LRRTM4: variants seen among roughly 807,000 people sequenced by gnomAD.
LRRTM4 encodes leucine-rich repeat transmembrane neuronal protein 4.
A neutral mutation model predicts 47.6 loss-of-function variants in LRRTM4; 25 were observed. The ratio of observed to expected loss-of-function variants is 0.53; its 90% confidence interval spans 0.38 to 0.73. LRRTM4 has a LOEUF of 0.73. LRRTM4 is among the 30% of genes least tolerant of loss of function. The probability of loss-of-function intolerance (pLI) is 0.00; values close to 1 mark genes in which losing one functional copy is unlikely to be tolerated. For missense variants in LRRTM4, 638 were observed against 713.4 expected (o/e 0.89, Z 1.20); for synonymous variants, 311 against 269.5 (o/e 1.15, Z -1.51).
intron 3 of LRRTM4, among the ~76,000 whole-genome samples, chr2:77,141,309 G>A (rs1048329778): frequency 2.0e-5 from 3 of 152,026 alleles, no homozygotes; most frequent in Non-Finnish European, 2.9e-5. Flanking sequence ...GGATGAGTTC[G>A]TGTCCTCTGT....
At chr2:77,491,112 G>A (rs962999340) in intron 3 of LRRTM4, among the ~76,000 whole-genome samples, 1 of 151,902 alleles carries the variant, frequency 6.6e-6, no homozygotes, top group African/African-American at 2.4e-5. Context: ...CAGAGAGAGA[G>A]AAGATATACA....
Position 76,974,143 on chromosome 2 carries a change from T to TAC in LRRTM4, c.1552-225228_1552-225227insGT, listed in dbSNP as rs1245323266. ...TAACACATTTGCTCATATATATACATATATATACATACATATATATATATA... is the reference window on the plus strand; with the variant it reads ...TAACACATTTGCTCATATATATACATACATATATACATACATATATATATATA... On this transcript the variant is annotated intron_variant, in intron 3 of 3. Transcript: ENST00000409884. 2.8e-3 allele frequency among the ~76,000 whole-genome samples: 389 copies of TAC among 136,530 alleles called. 10 individuals carry two copies. The highest frequency in any genetic ancestry group is 7.8e-3 in the Middle Eastern group (2 of 258). 89.6% of individuals were successfully genotyped at this position (136,530 alleles called of 152,430 possible).
At chr2:77,111,289 T>TATTTA (rs112093231) in intron 3 of LRRTM4, among the ~76,000 whole-genome samples, 12,034 of 149,200 alleles carry the variant, frequency 0.081, 1,146 homozygotes, top group African/African-American at 0.21. Context: ...GGCTATTTTT[T>TATTTA]TTTTTTTTTT....
intron 3 of LRRTM4, among the ~76,000 whole-genome samples, chr2:76,808,585 A>G (rs1670633310): frequency 6.6e-6 from 1 of 152,192 alleles, no homozygotes; most frequent in African/African-American, 2.4e-5. Context: ...CCTATTTTCA[A>G]ATATGCAAAA....
At chr2:77,092,760 C>T (rs975521667) in intron 3 of LRRTM4, among the ~76,000 whole-genome samples, 2 of 142,746 alleles carry the variant, frequency 1.4e-5, no homozygotes, top group African/African-American at 2.9e-5. Context: ...TTAGCCTTCC[C>T]ACCTCAATAC....
Position 77,519,513 on chromosome 2 carries a change from T to C in LRRTM4, c.356A>G (p.Asn119Ser), listed in dbSNP as rs1223175631. Residue 119 changes from asparagine (N) to serine (S), a missense_variant, in exon 3 of 4, where the codon AAC becomes AGC. Physicochemically the swap from Asn to Ser is conservative, Grantham distance 46 (BLOSUM62 1). Transcript: ENST00000409884. This position sits in a 1 kb window ranked among gnomAD's most constrained non-coding sequence, Gnocchi z 4.6. ...RRLKELILSS[N>S]KITYLHNKTF... ...TTTATTGTGCAGATAAGTAATTTTG[T>C]TGGAGCTTAGAATTAATTCTTTCAG... 2 of 1,613,446 alleles carry C rather than the reference T, an allele frequency of 1.2e-6. No individual in the cohort carries two copies. The highest frequency in any genetic ancestry group is 8.5e-7 in the Non-Finnish European group (1 of 1,179,632).
intron 3 of LRRTM4, among the ~76,000 whole-genome samples, chr2:77,336,407 T>C (rs1348395277): frequency 6.6e-6 from 1 of 152,024 alleles, no homozygotes. Flanking sequence ...TTTACCAAAA[T>C]TATAGTTTTA....
chr2:77,052,781 G>A (rs1311765672), intron 3 of LRRTM4, among the ~76,000 whole-genome samples: 1 of 151,826 alleles, frequency 6.6e-6, no homozygotes, highest in African/African-American at 2.4e-5. Context: ...TTTTAATTAT[G>A]TTCTTACAAT....
intron 3 of LRRTM4, among the ~76,000 whole-genome samples, chr2:76,845,370 T>A (rs191852101): frequency 1.3e-5 from 2 of 152,112 alleles, no homozygotes; most frequent in Non-Finnish European, 1.5e-5. Context: ...GGAGCACCTG[T>A]AGTCCCAGCT....
At chr2:76,811,399 G>C (rs979919812) in intron 3 of LRRTM4, among the ~76,000 whole-genome samples, 3 of 152,190 alleles carry the variant, frequency 2.0e-5, no homozygotes, top group African/African-American at 7.2e-5. Flanking sequence ...ATTTTGAAGA[G>C]GAAAGTGTGA....
chr2:77,001,833 A>T (rs993539505), intron 3 of LRRTM4, among the ~76,000 whole-genome samples: 1 of 152,136 alleles, frequency 6.6e-6, no homozygotes, highest in Non-Finnish European at 1.5e-5. Context: ...CTTATTGCCT[A>T]AACAATAACG....
intron 3 of LRRTM4, among the ~76,000 whole-genome samples, chr2:76,797,086 C>T (rs1278360329): frequency 3.3e-5 from 5 of 151,948 alleles, no homozygotes; most frequent in East Asian, 3.9e-4. Context: ...CAAGGCAGGC[C>T]AACGTTCAGA....
chr2:77,144,309 A>T (rs1360681680), intron 3 of LRRTM4, among the ~76,000 whole-genome samples: 5 of 152,048 alleles, frequency 3.3e-5, no homozygotes, highest in Non-Finnish European at 7.4e-5. Context: ...CTGCTTGCTA[A>T]CCACACTCTT....
chr2:76,796,035 A>G lies in LRRTM4; in HGVS notation c.1552-47119T>C, dbSNP rs182994791. 1.2e-4 allele frequency among the ~76,000 whole-genome samples: 14 copies of G among 119,894 alleles called. 2 individuals are homozygous for G. In the East Asian group the frequency reaches 4.7e-3, roughly 40 times the overall value. 78.7% of individuals were successfully genotyped at this position (119,894 alleles called of 152,430 possible). ...AAGGGGTCACGGAGTTCCCTTTCTG[A>G]GTCAAAGAAAGGGGTGATGTACTGC... On this transcript the variant is annotated intron_variant, in intron 3 of 3. Transcript: ENST00000409884.
chr2:77,449,880 CCA>C (rs1032998226), intron 3 of LRRTM4, among the ~76,000 whole-genome samples: 5 of 152,168 alleles, frequency 3.3e-5, no homozygotes, highest in African/African-American at 1.2e-4. Context: ...TTAATGAATT[CCA>C]CTCCTACCTA....
At chr2:77,341,756 A>G (rs1671380292) in intron 3 of LRRTM4, among the ~76,000 whole-genome samples, 2 of 152,046 alleles carry the variant, frequency 1.3e-5, no homozygotes, top group Non-Finnish European at 2.9e-5. Context: ...TGACCTTTTA[A>G]TATGAGTGTT....
intron 3 of LRRTM4, among the ~76,000 whole-genome samples, chr2:76,904,607 G>T (rs537941111): frequency 1.1e-4 from 17 of 152,234 alleles, no homozygotes; most frequent in East Asian, 3.9e-4. Flanking sequence ...TCTAAAAGAA[G>T]CTATTTTTAT....
intron 3 of LRRTM4, among the ~76,000 whole-genome samples, chr2:76,840,018 C>G (rs991673666): frequency 6.6e-6 from 1 of 151,954 alleles, no homozygotes; most frequent in Admixed American, 6.6e-5. Context: ...AAGGCAGACC[C>G]CCTGCTGCCT....
intron 3 of LRRTM4, among the ~76,000 whole-genome samples, chr2:77,006,171 A>C (rs540161791): frequency 1.6e-4 from 24 of 152,314 alleles, no homozygotes; most frequent in Non-Finnish European, 2.9e-4. Flanking sequence ...TGTTTTAAAC[A>C]AAGGACATTC....
Sources: allele counts gnomAD v4.1 joint callset (sites outside exome capture counted in the v4.1 genomes callset), GRCh38; gene constraint gnomAD v4.1.1; non-coding constraint Gnocchi (gnomAD v3.1); transcripts MANE v1.5; gene names NCBI Gene and HGNC (gene_info 2026-07-23, HGNC 2026-07-21).